The following LPCAT3 variants were observed in gnomAD, a reference collection of about 807,000 sequenced individuals.
LPCAT3 encodes the protein lysophosphatidylcholine acyltransferase 3, also known as lysophospholipid acyltransferase 5.
A neutral mutation model predicts 63.4 loss-of-function variants in LPCAT3; 21 were observed. The observed-to-expected ratio is 0.33, with a 90% CI of 0.23 to 0.48. The LOEUF is 0.48. Ranked by LOEUF, LPCAT3 falls within the 20% of genes least tolerant of loss-of-function variation. The pLI, the probability that LPCAT3 is intolerant of heterozygous loss-of-function variation, is 0.99. For synonymous variants in LPCAT3, 242 were observed against 227.5 expected (o/e 1.06, Z -0.58); for missense variants, 451 against 590.6 (o/e 0.76, Z 2.45).
Position 6,977,114 on chromosome 12 carries a change from G to T in LPCAT3, c.*12+20C>A, listed in dbSNP as rs1555153307. ...ATTCTGTAACCTGGTGGTAGTTTTA[G>T]TTTAGCTGTATTAACTTACCAGGGA... On this transcript the variant is annotated intron_variant, in intron 12 of 12. Coordinates refer to ENST00000261407, the MANE Select transcript of LPCAT3 (RefSeq NM_005768.6). This position sits in a 1 kb window ranked among gnomAD's most constrained non-coding sequence, Gnocchi z 4.5. 3.6e-6 allele frequency: 5 copies of T among 1,405,288 alleles called. No homozygotes were observed. The highest frequency in any genetic ancestry group is 5.0e-6 in the Non-Finnish European group (5 of 990,738). 87.1% of individuals were successfully genotyped at this position (1,405,288 alleles called of 1,614,324 possible). A position where few individuals can be genotyped will look rare whatever the true frequency, so the allele number is the denominator to read the frequency against.
In LPCAT3 at chr12:7,018,453, C is replaced by A; in HGVS notation, c.-29G>T. 6.5e-7 allele frequency: 1 copy of A among 1,549,252 alleles called. No individual in the cohort carries two copies. Among genetic ancestry groups the A allele is most frequent in the Non-Finnish European group, 8.7e-7 (1 of 1,144,060 alleles). ...AACTCCGGGAGCCCCACAGGGACCC[C>A]CCAGCTCCGCGCGCCCCGAATGCGG... On this transcript the variant is annotated 5_prime_UTR_variant, in exon 1 of 13. Transcript: ENST00000261407. This position sits in a 1 kb window ranked among gnomAD's most constrained non-coding sequence, Gnocchi z 4.9.
chr12:6,991,630 T>G (rs1271462600), intron 1 of LPCAT3, among the ~76,000 whole-genome samples: 1 of 152,226 alleles, frequency 6.6e-6, no homozygotes, highest in Non-Finnish European at 1.5e-5. Context: ...ATTTTATCAC[T>G]GGCTACAAAT....
At chr12:7,013,304 G>C (rs1334588822) in intron 1 of LPCAT3, among the ~76,000 whole-genome samples, 1 of 152,200 alleles carries the variant, frequency 6.6e-6, no homozygotes, top group Non-Finnish European at 1.5e-5. Context: ...GCTTGCTTGG[G>C]ACGAGGCTGG....
At chr12:6,984,423 A>G (rs1312890157) in intron 1 of LPCAT3, among the ~76,000 whole-genome samples, 3 of 152,216 alleles carry the variant, frequency 2.0e-5, no homozygotes. Context: ...TCAGTGTTCT[A>G]TCTAGAGGTC....
At position 6,977,285 on chromosome 12, in the gene LPCAT3, G is replaced by A. The variant is rs1436326136; in HGVS notation, c.1348-23C>T. The A allele has an allele frequency of 3.7e-6, 6 of 1,610,572 alleles. No individual in the cohort carries two copies. The highest frequency in any genetic ancestry group is 1.1e-5 in the South Asian group (1 of 91,014). ...CACCTGTGGAGAGAGAGGCCACTAAGGTAGACAGGCCTGGAGTGTCCTTTG... is the reference window on the plus strand; with the variant it reads ...CACCTGTGGAGAGAGAGGCCACTAAAGTAGACAGGCCTGGAGTGTCCTTTG... On this transcript the variant is annotated intron_variant, in intron 11 of 12. Transcript: ENST00000261407. This position sits in a 1 kb window ranked among gnomAD's most constrained non-coding sequence, Gnocchi z 4.5.
At chr12:7,003,791 G>T (rs1358213486) in intron 1 of LPCAT3, among the ~76,000 whole-genome samples, 2 of 151,598 alleles carry the variant, frequency 1.3e-5, no homozygotes, top group Admixed American at 1.3e-4. Context: ...GCGCGGTGGC[G>T]GGCGCCTGTA....
At chr12:7,000,560 C>A (rs1337776899) in intron 1 of LPCAT3, among the ~76,000 whole-genome samples, 3 of 131,232 alleles carry the variant, frequency 2.3e-5, no homozygotes, top group Middle Eastern at 4.5e-3. Flanking sequence ...TGCACTCCAG[C>A]CTGGGAGACA....
intron 1 of LPCAT3, among the ~76,000 whole-genome samples, chr12:7,007,196 A>T (rs1463306527): frequency 6.6e-6 from 1 of 150,962 alleles, no homozygotes; most frequent in Non-Finnish European, 1.5e-5. Context: ...AGCGCCTGCC[A>T]CCATGCCCGG....
rs782268184 is a variant in LPCAT3, at chr12:6,981,089, A to G, written c.592T>C (p.Leu198=). 6.2e-7 allele frequency: 1 copy of G among 1,613,904 alleles called. No homozygotes were observed. Among genetic ancestry groups the G allele is most frequent in the South Asian group, 1.1e-5 (1 of 91,062 alleles). Residue 198 remains leucine, a synonymous_variant, in exon 6 of 13, where the codon TTG becomes CTG. Transcript: ENST00000261407. ...AGFSYFYGAF[L]VGPQFSMNHY... The stretch of plus-strand genomic sequence containing the variant: ...TTCATTGAGAACTGGGGCCCTACCA[A>G]GAAGGCCCCATAGAAGTAGGAGAAA...
chr12:7,000,543 A>G (rs1233887220), intron 1 of LPCAT3, among the ~76,000 whole-genome samples: 4 of 132,038 alleles, frequency 3.0e-5, no homozygotes, highest in Non-Finnish European at 6.3e-5. Context: ...AGCCGAGATC[A>G]CGCCACTGCA....
intron 1 of LPCAT3, among the ~76,000 whole-genome samples, chr12:7,009,015 T>C (rs1318732899): frequency 1.3e-5 from 2 of 152,212 alleles, no homozygotes; most frequent in Non-Finnish European, 1.5e-5. Flanking sequence ...GGCCTACAAA[T>C]GGGAAAAACT....
At chr12:6,992,998 A>G (rs1214785244) in intron 1 of LPCAT3, among the ~76,000 whole-genome samples, 6 of 152,134 alleles carry the variant, frequency 3.9e-5, no homozygotes, top group Admixed American at 2.0e-4. Context: ...TTATTATTGT[A>G]TTATTATTTA....
At chr12:7,014,999 C>G (rs782001387) in intron 1 of LPCAT3, among the ~76,000 whole-genome samples, 3 of 151,762 alleles carry the variant, frequency 2.0e-5, no homozygotes, top group African/African-American at 7.3e-5. Flanking sequence ...TTATTAAGGG[C>G]AAGTATTCTT....
chr12:7,018,336 T>C lies in LPCAT3; in HGVS notation c.89A>G (p.Lys30Arg). 1 of 1,611,728 alleles carries C rather than the reference T, an allele frequency of 6.2e-7. No individual in the cohort carries two copies. Among genetic ancestry groups the C allele is most frequent in the African/African-American group, 1.3e-5 (1 of 75,022 alleles). The change falls in exon 1 of 13, where the codon AAG becomes AGG. Residue 30 changes from lysine to arginine, a missense_variant. Physicochemically the swap from Lys to Arg is conservative, Grantham distance 26. Around this residue, in one of 3 missense-constraint regions of LPCAT3, gnomAD observed 133 missense variants for 152.1 expected, o/e 0.87. Coordinates refer to ENST00000261407, the MANE Select transcript of LPCAT3 (RefSeq NM_005768.6). This position sits in a 1 kb window ranked among gnomAD's most constrained non-coding sequence, Gnocchi z 4.9. ...QSGFQELSLN[K>R]LATSLGASEQ... ...TGACGCGCCCAGGGACGTCGCCAAC[T>C]TGTTAAGGCTCAGCTCCTGGAAACC...
At position 7,017,591 on chromosome 12, in the gene LPCAT3, C is replaced by T. The variant is rs1946804391; in HGVS notation, c.151+683G>A. 6.6e-6 allele frequency among the ~76,000 whole-genome samples: 1 copy of T among 152,124 alleles called. No individual in the cohort carries two copies. Among genetic ancestry groups the T allele is most frequent in the African/African-American group, 2.4e-5 (1 of 41,418 alleles). ...TGGCATAAATTCAGATACACCACAT[C>T]CTTTGAACCACACGTGTAATAAACG... On this transcript the variant is annotated intron_variant, in intron 1 of 12. Coordinates refer to ENST00000261407, the MANE Select transcript of LPCAT3 (RefSeq NM_005768.6). This position sits in a 1 kb window ranked among gnomAD's most constrained non-coding sequence, Gnocchi z 4.1.
chr12:7,003,928 C>CAAAAAA (rs781922909), intron 1 of LPCAT3, among the ~76,000 whole-genome samples: 3 of 63,426 alleles, frequency 4.7e-5, no homozygotes, highest in Non-Finnish European at 6.6e-5. Context: ...GACTCCGTCT[C>CAAAAAA]AAAAAAAAAA....
chr12:6,980,953 C>T (rs1360187329), intron 6 of LPCAT3, 51 bp downstream of exon 6: 1 of 1,501,456 alleles, frequency 6.7e-7, no homozygotes, highest in East Asian at 2.3e-5. Flanking sequence ...AGAGTCACTT[C>T]AGAGTGAGTG....
intron 1 of LPCAT3, among the ~76,000 whole-genome samples, chr12:7,009,623 A>C (rs1456698249): frequency 6.6e-6 from 1 of 152,188 alleles, no homozygotes; most frequent in Non-Finnish European, 1.5e-5. Context: ...GGAAAGGGAG[A>C]AAATAAATAT....
At chr12:7,001,876 A>G (rs1034088629) in intron 1 of LPCAT3, among the ~76,000 whole-genome samples, 1 of 152,184 alleles carries the variant, frequency 6.6e-6, no homozygotes, top group African/African-American at 2.4e-5. Flanking sequence ...AAAAGAGTCC[A>G]TATGAGGCAA....
Sources: gnomAD v4.1 joint callset for allele counts (sites outside exome capture counted in the v4.1 genomes callset) on GRCh38, gnomAD v4.1.1 for gene constraint, gnomAD v4.1.1 regional missense constraint, Gnocchi (gnomAD v3.1) non-coding constraint, MANE v1.5 for transcripts, NCBI Gene and HGNC (gene_info 2026-07-23, HGNC 2026-07-21) for gene names.